The following CDC42BPB variants were observed in gnomAD, a reference collection of about 807,000 sequenced individuals.
CDC42BPB encodes CDC42 binding protein kinase beta.
A neutral mutation model predicts 214.9 loss-of-function variants in CDC42BPB; 37 were observed. The observed-to-expected ratio is 0.17, with a 90% CI of 0.13 to 0.23. CDC42BPB has a LOEUF of 0.23. Ranked by LOEUF, CDC42BPB falls within the 10% of genes least tolerant of loss-of-function variation. The pLI, the probability that CDC42BPB is intolerant of heterozygous loss-of-function variation, is 1.00. For missense variants in CDC42BPB, 1,694 were observed against 2,227.0 expected (o/e 0.76, Z 4.82); for synonymous variants, 931 against 884.0 (o/e 1.05, Z -0.94).
intron 2 of CDC42BPB, 123 bp downstream of exon 2, chr14:103,011,974 A>G: frequency 2.8e-6 from 2 of 703,856 alleles, no homozygotes; most frequent in Non-Finnish European, 5.0e-6. Flanking sequence ...GAAAAAACAA[A>G]CTCTCCAAAT....
At chr14:103,000,681 G>A (rs1218694494) in intron 4 of CDC42BPB, among the ~76,000 whole-genome samples, 2 of 152,202 alleles carry the variant, frequency 1.3e-5, no homozygotes, top group African/African-American at 2.4e-5. Context: ...GGGAGTAAAC[G>A]CCCTGTTTAT....
At chr14:102,969,071 C>G (rs1219212560) in intron 14 of CDC42BPB, among the ~76,000 whole-genome samples, 1 of 152,250 alleles carries the variant, frequency 6.6e-6, no homozygotes, top group Non-Finnish European at 1.5e-5. Context: ...CTGGCGGGAA[C>G]TGACAGCAAA....
intron 1 of CDC42BPB, among the ~76,000 whole-genome samples, chr14:103,043,432 T>C (rs1268661447): frequency 6.6e-6 from 1 of 152,172 alleles, no homozygotes; most frequent in African/African-American, 2.4e-5. Flanking sequence ...GAAAGACCCA[T>C]ATTATATGAC....
intron 3 of CDC42BPB, among the ~76,000 whole-genome samples, chr14:103,006,343 C>G (rs1885818047): frequency 6.6e-6 from 1 of 152,258 alleles, no homozygotes; most frequent in South Asian, 2.1e-4. Flanking sequence ...TCTGCGGCAC[C>G]TGTGCCAACG....
chr14:102,968,339 C>T lies in CDC42BPB; in HGVS notation c.2260G>A (p.Ala754Thr). Residue 754 changes from alanine to threonine, a missense_variant, in exon 16 of 37, where the codon GCA becomes ACA. Ala to Thr is a moderately conservative substitution (Grantham distance 58). Around this residue, in one of 7 missense-constraint regions of CDC42BPB, gnomAD observed 462 missense variants for 513.5 expected, o/e 0.90. Transcript: ENST00000361246. ...TATTTATCTTTTATTGTACCTACTG[C>T]CTCCTCCATCTCGTTATGCCTGCCA... is the stretch of plus-strand genomic sequence containing the variant. ...KRERHNEMEE[A>T]VGTIKDKYER... The T allele has an allele frequency of 6.2e-7, 1 of 1,614,058 alleles. No homozygotes were observed. Among genetic ancestry groups the T allele is most frequent in the Non-Finnish European group, 8.5e-7 (1 of 1,179,966 alleles).
intron 1 of CDC42BPB, among the ~76,000 whole-genome samples, chr14:103,039,477 A>T (rs2139739923): frequency 6.6e-6 from 1 of 152,342 alleles, no homozygotes; most frequent in Non-Finnish European, 1.5e-5. Flanking sequence ...TTCAACAAAC[A>T]AAAACCAATT....
At chr14:103,044,976 G>C (rs1306844475) in intron 1 of CDC42BPB, among the ~76,000 whole-genome samples, 1 of 151,268 alleles carries the variant, frequency 6.6e-6, no homozygotes, top group Non-Finnish European at 1.5e-5. Flanking sequence ...GAGGCAAGAG[G>C]ATCCCTTGAG....
rs1365985971 is a variant in CDC42BPB at position 102,943,701 on chromosome 14, T to C, written c.4408+190A>G. 1.0e-5 allele frequency: 6 copies of C among 583,714 alleles called. No individual in the cohort carries two copies. The highest frequency in any genetic ancestry group is 7.5e-5 in the African/African-American group (4 of 53,520). The allele number at this position is 583,714 out of a possible 1,614,324, so 36.2% of individuals were successfully genotyped here. A position where few individuals can be genotyped will look rare whatever the true frequency, so the allele number is the denominator to read the frequency against. Reference sequence around the variant, plus strand: ...AGGGAGAGAGGTTGCTGAGCCCGCCTACTGCTGGTCTGAGACGTGAGATCT... The same window carrying C: ...AGGGAGAGAGGTTGCTGAGCCCGCCCACTGCTGGTCTGAGACGTGAGATCT... On this transcript the variant is annotated intron_variant, in intron 30 of 36. Transcript: ENST00000361246. This position sits in a 1 kb window ranked among gnomAD's most constrained non-coding sequence, Gnocchi z 4.6.
rs750838520 is a variant in CDC42BPB at position 102,983,687 on chromosome 14, C to T, written c.760G>A (p.Gly254Ser). Residue 254 changes from glycine (G) to serine (S), a missense_variant, in exon 7 of 37, where the codon GGC (glycine) becomes AGC (serine). By Grantham distance (56) the Gly-to-Ser change is moderately conservative (BLOSUM62 0). Transcript: ENST00000361246. Reference protein sequence around the residue: ...SPEILQAMEDGMGKYGPECDW... With the variant: ...SPEILQAMEDSMGKYGPECDW... ...CACTCAGGCCCGTATTTGCCCATGC[C>T]GTCCTCCATCGCCTGCAGGATCTCC... The T allele has an allele frequency of 6.2e-7, 1 of 1,614,004 alleles. No individual in the cohort carries two copies. The highest frequency in any genetic ancestry group is 8.5e-7 in the Non-Finnish European group (1 of 1,180,056).
chr14:102,963,704 A>C (rs1006082195), intron 19 of CDC42BPB, among the ~76,000 whole-genome samples: 1 of 152,190 alleles, frequency 6.6e-6, no homozygotes, highest in Non-Finnish European at 1.5e-5. Flanking sequence ...AGTGTGTGTA[A>C]GTGGGAGTAA....
intron 1 of CDC42BPB, among the ~76,000 whole-genome samples, chr14:103,029,470 G>C (rs1299959134): frequency 2.6e-5 from 4 of 151,740 alleles, no homozygotes; most frequent in Non-Finnish European, 4.4e-5. Context: ...ATGAACCTGG[G>C]AGACGGAGCT....
intron 6 of CDC42BPB, 92 bp downstream of exon 6, chr14:102,986,395 G>T: frequency 1.3e-6 from 1 of 761,214 alleles, no homozygotes; most frequent in Non-Finnish European, 2.2e-6. Context: ...TAATATACTT[G>T]GTTTCTTAAT....
chr14:103,033,722 T>C (rs558425483), intron 1 of CDC42BPB, among the ~76,000 whole-genome samples: 12 of 152,324 alleles, frequency 7.9e-5, no homozygotes, highest in African/African-American at 2.9e-4. Context: ...AATATTTAAA[T>C]AGAGGATGGC....
At chr14:103,047,226 G>C (rs544652871) in intron 1 of CDC42BPB, among the ~76,000 whole-genome samples, 87 of 147,538 alleles carry the variant, frequency 5.9e-4, no homozygotes, top group African/African-American at 2.1e-3. Context: ...GGAGGTTCCT[G>C]TGAGCTCAGA....
chr14:102,982,202 G>T (rs139861451), intron 7 of CDC42BPB, among the ~76,000 whole-genome samples: 2,903 of 152,308 alleles, frequency 0.019, 34 homozygotes, highest in Middle Eastern at 0.024. Context: ...TTTATAGGGG[G>T]TATATATTAA....
At chr14:103,044,123 T>C (rs2139758314) in intron 1 of CDC42BPB, among the ~76,000 whole-genome samples, 1 of 152,334 alleles carries the variant, frequency 6.6e-6, no homozygotes, top group South Asian at 2.1e-4. Context: ...ATTTTAAAGG[T>C]ACATCAGAAA....
intron 1 of CDC42BPB, among the ~76,000 whole-genome samples, chr14:103,054,043 A>G (rs1888805368): frequency 6.6e-6 from 1 of 151,962 alleles, no homozygotes; most frequent in African/African-American, 2.4e-5. Flanking sequence ...TTTGACATTT[A>G]TTATAGATAC....
At position 102,964,860 on chromosome 14, in the gene CDC42BPB, A is replaced by C. The variant is rs975984781; in HGVS notation, c.2578-210T>G. On this transcript the variant is annotated intron_variant, in intron 18 of 36. Coordinates refer to ENST00000361246, the MANE Select transcript of CDC42BPB (RefSeq NM_006035.4). ...TCAGAAATCTTCTAAAAAATAACTA[A>C]ATAATTTACTTTATCTTTTAGAAGA... 4.8e-6 allele frequency: 3 copies of C among 626,194 alleles called. No homozygotes were observed. In the African/African-American group the frequency reaches 6.0e-5, roughly 12 times the overall value. The allele number at this position is 626,194 out of a possible 1,614,324, so 38.8% of individuals were successfully genotyped here.
Position 103,020,976 on chromosome 14 carries a change from C to T in CDC42BPB, c.176-8788G>A, listed in dbSNP as rs369303249. Among the ~76,000 whole-genome samples, 10 of 152,308 alleles carry T rather than the reference C, an allele frequency of 6.6e-5. No individual in the cohort carries two copies. The East Asian group carries it at 1.7e-3, about 26-fold the overall frequency. On this transcript the variant is annotated intron_variant, in intron 1 of 36. Coordinates refer to ENST00000361246, the MANE Select transcript of CDC42BPB (RefSeq NM_006035.4). ...CACAGACCCCTCTCATCAGGAATCACGAGTCTGAGAAAAGTGACTCTTCCC... is the reference window on the plus strand; with the variant it reads ...CACAGACCCCTCTCATCAGGAATCATGAGTCTGAGAAAAGTGACTCTTCCC...
Sources: allele counts gnomAD v4.1 joint callset (sites outside exome capture counted in the v4.1 genomes callset), GRCh38; gene constraint gnomAD v4.1.1; regional missense constraint gnomAD v4.1.1; non-coding constraint Gnocchi (gnomAD v3.1); transcripts MANE v1.5; gene names NCBI Gene and HGNC (gene_info 2026-07-23, HGNC 2026-07-21).